EEF2K: variants seen among roughly 807,000 people sequenced by gnomAD.
The protein encoded by EEF2K is eukaryotic elongation factor 2 kinase.
A neutral mutation model predicts 93.8 loss-of-function variants in EEF2K; 70 were observed. The observed-to-expected ratio is 0.75, with a 90% CI of 0.62 to 0.91. The LOEUF is 0.91. Among genes scored for constraint, EEF2K ranks in the 40% least tolerant of loss-of-function variants. EEF2K has a pLI of 0.00. For missense variants in EEF2K, 935 were observed against 972.9 expected (o/e 0.96, Z 0.52); for synonymous variants, 376 against 380.8 (o/e 0.99, Z 0.15).
At chr16:22,232,691 C>CT (rs35468395) in intron 2 of EEF2K, among the ~76,000 whole-genome samples, 5 of 152,252 alleles carry the variant, frequency 3.3e-5, no homozygotes, top group African/African-American at 1.2e-4. Context: ...CCTCCATTCC[C>CT]TTGGTCCTGC....
chr16:22,260,528 G>A lies in EEF2K; in HGVS notation c.1298G>A (p.Arg433Gln), dbSNP rs200367551. 92 of 1,613,980 alleles carry A rather than the reference G, an allele frequency of 5.7e-5. No individual in the cohort carries two copies. Among genetic ancestry groups the A allele is most frequent in the Non-Finnish European group, 6.2e-5 (73 of 1,180,022 alleles). The change falls in exon 11 of 18, where the codon CGG (arginine) becomes CAG (glutamine). Residue 433 changes from arginine (R) to glutamine (Q), a missense_variant and splice_region_variant. Arg to Gln is a conservative substitution (Grantham distance 43, BLOSUM62 1). Coordinates refer to ENST00000263026, the MANE Select transcript of EEF2K (RefSeq NM_013302.5). ...SRDHDHLDNH[R>Q]ESENSGDSGY... ...GACCATGATCATCTAGACAACCACC[G>A]GGTGAGTGTGAAGGGAGGGAGGCTG...
chr16:22,242,994 G>A (rs748566767), intron 2 of EEF2K, among the ~76,000 whole-genome samples: 38 of 151,768 alleles, frequency 2.5e-4, no homozygotes, highest in Non-Finnish European at 4.3e-4. Flanking sequence ...AGGCTGAGGC[G>A]AGAGGATCAC....
chr16:22,213,018 G>A lies in EEF2K; in HGVS notation c.-77+6339G>A, dbSNP rs185996278. ...AAAGAGGCCAGGCACAGTGGCTCAC[G>A]CCTGTAATCCCAGCACTTTGGGAGG... On this transcript the variant is annotated intron_variant, in intron 1 of 17. Transcript: ENST00000263026. 3.7e-3 allele frequency among the ~76,000 whole-genome samples: 570 copies of A among 152,064 alleles called. 1 individual carries two copies. The highest frequency in any genetic ancestry group is 7.2e-3 in the Non-Finnish European group (488 of 67,988).
intron 17 of EEF2K, among the ~76,000 whole-genome samples, chr16:22,281,774 A>G (rs79062804): frequency 0.042 from 6,388 of 152,230 alleles, 446 homozygotes; most frequent in African/African-American, 0.14. Context: ...TAACTTTTTC[A>G]AGATTCATCT....
chr16:22,254,475 T>G (rs752232290), intron 6 of EEF2K, among the ~76,000 whole-genome samples: 3 of 152,104 alleles, frequency 2.0e-5, no homozygotes, highest in Non-Finnish European at 4.4e-5. Context: ...GTCGTTTCCT[T>G]GGGAAACCTG....
intron 3 of EEF2K, among the ~76,000 whole-genome samples, chr16:22,245,452 G>A (rs2047278747): frequency 6.6e-6 from 1 of 151,906 alleles, no homozygotes; most frequent in African/African-American, 2.4e-5. Flanking sequence ...CTGAGCCTAG[G>A]GGAGGTTAAC....
intron 2 of EEF2K, among the ~76,000 whole-genome samples, chr16:22,232,935 C>T (rs546408240): frequency 1.3e-5 from 2 of 152,148 alleles, no homozygotes; most frequent in African/African-American, 4.8e-5. Context: ...ACCAAAATGG[C>T]CCGCTGGCCT....
At chr16:22,218,798 C>T (rs1422700397) in intron 1 of EEF2K, among the ~76,000 whole-genome samples, 2 of 152,034 alleles carry the variant, frequency 1.3e-5, no homozygotes, top group Non-Finnish European at 2.9e-5. Flanking sequence ...GAACCTGGGT[C>T]TTCCTGACTC....
At chr16:22,250,505 A>G (rs2141669401) in intron 4 of EEF2K, 149 bp from the exon 5 acceptor site, 2 of 920,176 alleles carry the variant, frequency 2.2e-6, no homozygotes, top group Non-Finnish European at 3.4e-6. Flanking sequence ...GTGCTGAGAC[A>G]TAGAAGGGAG....
rs966923197 is a variant in EEF2K at position 22,260,499 on chromosome 16, C to A, written c.1269C>A (p.Ser423=). The A allele has an allele frequency of 6.2e-7, 1 of 1,614,146 alleles. No homozygotes were observed. Among genetic ancestry groups the A allele is most frequent in the Admixed American group, 1.7e-5 (1 of 60,014 alleles). ...PVFSDLDNMA[S]RDHDHLDNHR... is the part of the protein sequence containing the mutation. ...TCAGTGACCTCGATAACATGGCATC[C>A]AGAGACCATGATCATCTAGACAACC... The change falls in exon 11 of 18, where the codon TCC becomes TCA. Residue 423 remains serine, a synonymous_variant. Coordinates refer to ENST00000263026, the MANE Select transcript of EEF2K (RefSeq NM_013302.5).
At chr16:22,258,457 GT>G in intron 9 of EEF2K, 36 bp from the exon 10 acceptor site, 2 of 1,605,402 alleles carry the variant, frequency 1.2e-6, no homozygotes, top group Non-Finnish European at 1.7e-6. Context: ...CCCAGAGGGT[GT>G]GTGCGTGACA....
chr16:22,266,868 T>C lies in EEF2K; in HGVS notation c.1756T>C (p.Ser586Pro). ...GCCTCATCACATCCTAGCCGATGTCTCTCTGAAGGTGAGCAGGTGGCGGGG... is the reference window on the plus strand; with the variant it reads ...GCCTCATCACATCCTAGCCGATGTCCCTCTGAAGGTGAGCAGGTGGCGGGG... ...QLPHHILADVSLKETEENKTK... is the reference protein window; with the variant it reads ...QLPHHILADVPLKETEENKTK... The change falls in exon 15 of 18, where the codon TCT (serine) becomes CCT (proline). Residue 586 changes from serine to proline, a missense_variant. By Grantham distance (74) the Ser-to-Pro change is moderately conservative. Coordinates refer to ENST00000263026, the MANE Select transcript of EEF2K (RefSeq NM_013302.5). 6.2e-7 allele frequency: 1 copy of C among 1,603,386 alleles called. No homozygotes were observed. Among genetic ancestry groups the C allele is most frequent in the Non-Finnish European group, 8.5e-7 (1 of 1,172,278 alleles).
chr16:22,244,269 T>TTGTG (rs200282636), intron 2 of EEF2K, among the ~76,000 whole-genome samples: 2,494 of 140,100 alleles, frequency 0.018, 30 homozygotes, highest in Middle Eastern at 0.029. Flanking sequence ...TATATATGTA[T>TTGTG]TGTGTGTGTG....
intron 1 of EEF2K, among the ~76,000 whole-genome samples, chr16:22,212,613 C>A (rs2046925948): frequency 1.3e-5 from 2 of 152,208 alleles, no homozygotes; most frequent in South Asian, 4.1e-4. Flanking sequence ...AGCCACCGCA[C>A]CTGGCCTTCT....
rs761018908 is a variant in EEF2K at position 22,258,623 on chromosome 16, G to A, written c.1159G>A (p.Asp387Asn). ...SENSGDENMS[D>N]VTFDSLPSSP... ...GAACTCTGGAGACGAGAACATGAGC[G>A]ACGTGACCTTCGACTCTCTCCCTTC... is the stretch of plus-strand genomic sequence containing the variant. The change falls in exon 10 of 18, where the codon GAC (aspartate) becomes AAC (asparagine). Residue 387 changes from aspartate to asparagine, a missense_variant. Transcript: ENST00000263026. 1.1e-5 allele frequency: 18 copies of A among 1,614,106 alleles called. No homozygotes were observed. Among genetic ancestry groups the A allele is most frequent in the South Asian group, 5.5e-5 (5 of 91,082 alleles).
chr16:22,244,580 A>G, intron 2 of EEF2K, 50 bp from the exon 3 acceptor site: 1 of 1,593,832 alleles, frequency 6.3e-7, no homozygotes, highest in Non-Finnish European at 8.6e-7. Flanking sequence ...CTGTCCCCAA[A>G]GCCCCTGACC....
intron 12 of EEF2K, 28 bp downstream of exon 12, chr16:22,263,215 G>T (rs765053473): frequency 1.3e-6 from 2 of 1,595,272 alleles, no homozygotes; most frequent in South Asian, 2.2e-5. Flanking sequence ...AATGAGACCG[G>T]TGTCACCTGT....
chr16:22,235,787 C>A (rs1030348548), intron 2 of EEF2K, among the ~76,000 whole-genome samples: 1 of 150,116 alleles, frequency 6.7e-6, no homozygotes, highest in Non-Finnish European at 1.5e-5. Context: ...CGTGAGCCAC[C>A]GCGTCTGGCC....
intron 6 of EEF2K, among the ~76,000 whole-genome samples, chr16:22,253,680 G>A (rs375080847): frequency 4.0e-5 from 6 of 148,464 alleles, no homozygotes; most frequent in African/African-American, 1.5e-4. Context: ...TTTTTTTCCT[G>A]TTCTTTGGAG....
Sources: gnomAD v4.1 joint callset for allele counts (sites outside exome capture counted in the v4.1 genomes callset) on GRCh38, gnomAD v4.1.1 for gene constraint, MANE v1.5 for transcripts, NCBI Gene and HGNC (gene_info 2026-07-23, HGNC 2026-07-21) for gene names.